The following GLIS1 variants were observed in gnomAD, a reference collection of about 807,000 sequenced individuals.
The protein encoded by GLIS1 is GLIS family zinc finger 1.
A neutral mutation model predicts 63.8 loss-of-function variants in GLIS1; 24 were observed. The ratio of observed to expected loss-of-function variants is 0.38; its 90% CI spans 0.27 to 0.53. The LOEUF (loss-of-function observed/expected upper bound fraction) is 0.53. Among genes scored for constraint, GLIS1 ranks in the 20% least tolerant of loss-of-function variants. The probability of loss-of-function intolerance (pLI) is 0.85; values close to 1 mark genes in which losing one functional copy is unlikely to be tolerated. For synonymous variants in GLIS1, 450 were observed against 482.5 expected (o/e 0.93, Z 0.88); for missense variants, 1,036 against 1,074.1 (o/e 0.96, Z 0.50).
chr1:53,543,019 C>A (rs12737836), intron 4 of GLIS1, among the ~76,000 whole-genome samples: 20 of 150,712 alleles, frequency 1.3e-4, no homozygotes, highest in South Asian at 4.1e-4. Flanking sequence ...TCAGTGTAAG[C>A]CCCCCAAAAC....
chr1:53,671,563 AG>A (rs1435462467), intron 2 of GLIS1, among the ~76,000 whole-genome samples: 1 of 152,250 alleles, frequency 6.6e-6, no homozygotes, highest in African/African-American at 2.4e-5. Flanking sequence ...AGAAGTTATA[AG>A]GGCACAGATT....
chr1:53,637,552 G>A (rs984713520), intron 2 of GLIS1, among the ~76,000 whole-genome samples: 1 of 152,178 alleles, frequency 6.6e-6, no homozygotes, highest in African/African-American at 2.4e-5. Context: ...ACTATAGCCT[G>A]AGGATGGCAA....
intron 2 of GLIS1, among the ~76,000 whole-genome samples, chr1:53,618,041 A>C (rs1000164143): frequency 1.3e-5 from 2 of 152,254 alleles, no homozygotes; most frequent in Non-Finnish European, 2.9e-5. Flanking sequence ...CAGGCAGTCC[A>C]GGCCCTGTGC....
At chr1:53,550,944 G>A (rs867633925) in intron 4 of GLIS1, among the ~76,000 whole-genome samples, 2 of 152,066 alleles carry the variant, frequency 1.3e-5, no homozygotes, top group Admixed American at 6.5e-5. Context: ...TCTGCCTCCC[G>A]GGTTCAAGTG....
chr1:53,513,785 C>T (rs1470437460), intron 8 of GLIS1, among the ~76,000 whole-genome samples: 1 of 152,190 alleles, frequency 6.6e-6, no homozygotes, highest in African/African-American at 2.4e-5. Context: ...GCAGGAGGAG[C>T]CCAGTAATAA....
At chr1:53,554,142 C>T (rs1271213069) in intron 4 of GLIS1, among the ~76,000 whole-genome samples, 1 of 152,210 alleles carries the variant, frequency 6.6e-6, no homozygotes, top group Non-Finnish European at 1.5e-5. Context: ...TTACTCCTGA[C>T]CACAGCCCCT....
intron 4 of GLIS1, among the ~76,000 whole-genome samples, chr1:53,586,588 A>C (rs919010631): frequency 6.6e-6 from 1 of 152,242 alleles, no homozygotes; most frequent in Non-Finnish European, 1.5e-5. Flanking sequence ...TCAAAGCCTC[A>C]CAACAGTCCT....
At chr1:53,614,165 G>C (rs1645454466) in intron 2 of GLIS1, among the ~76,000 whole-genome samples, 1 of 152,192 alleles carries the variant, frequency 6.6e-6, no homozygotes, top group Non-Finnish European at 1.5e-5. Flanking sequence ...AGAAAGGAAA[G>C]TCTCTACTCT....
In GLIS1 at chr1:53,680,388, G is replaced by A. The variant is rs1011776344; in HGVS notation, c.259+57418C>T. Among the ~76,000 whole-genome samples, 5 of 152,176 alleles carry A rather than the reference G, an allele frequency of 3.3e-5. 1 individual carries two copies. The East Asian group carries it at 9.6e-4, about 29-fold the overall frequency. On this transcript the variant is annotated intron_variant, in intron 2 of 10. Coordinates refer to ENST00000628545, the MANE Select transcript of GLIS1 (RefSeq NM_001367484.1). ...CTATGATCTATGCCACGAGTGTGGT[G>A]CCCACCACTCAGTGGCACCAGTACT...
chr1:53,510,746 A>C (rs1269649677), intron 8 of GLIS1, among the ~76,000 whole-genome samples: 1 of 152,216 alleles, frequency 6.6e-6, no homozygotes, highest in Non-Finnish European at 1.5e-5. Flanking sequence ...AAAAACTAGC[A>C]AGTCGGTCCC....
chr1:53,633,076 G>A (rs1464743768), intron 2 of GLIS1, among the ~76,000 whole-genome samples: 2 of 145,828 alleles, frequency 1.4e-5, no homozygotes, highest in Non-Finnish European at 3.0e-5. Context: ...GTGTGGCTGA[G>A]GGGCGTGTGA....
chr1:53,623,612 T>A (rs1645567435), intron 2 of GLIS1, among the ~76,000 whole-genome samples: 1 of 152,148 alleles, frequency 6.6e-6, no homozygotes, highest in East Asian at 1.9e-4. Context: ...TCAGATAACA[T>A]GATTGTTTAC....
intron 4 of GLIS1, among the ~76,000 whole-genome samples, chr1:53,532,374 T>C (rs544397915): frequency 2.0e-5 from 3 of 152,238 alleles, no homozygotes; most frequent in East Asian, 3.9e-4. Context: ...GAGACAATGA[T>C]GGTTCCGGGA....
intron 2 of GLIS1, among the ~76,000 whole-genome samples, chr1:53,654,019 C>T (rs1055874057): frequency 6.7e-6 from 1 of 150,218 alleles, no homozygotes; most frequent in African/African-American, 2.4e-5. Context: ...ATGGGGCAGA[C>T]ACAGGAGGCT....
intron 4 of GLIS1, among the ~76,000 whole-genome samples, chr1:53,531,443 C>T (rs1320774293): frequency 6.6e-6 from 1 of 152,154 alleles, no homozygotes; most frequent in Non-Finnish European, 1.5e-5. Context: ...TGGTTGGGTG[C>T]CTGGAGAGGA....
chr1:53,723,502 G>T (rs565529390), intron 2 of GLIS1, among the ~76,000 whole-genome samples: 1 of 152,162 alleles, frequency 6.6e-6, no homozygotes, highest in Admixed American at 6.5e-5. Flanking sequence ...CCAAAGTGCT[G>T]GGATTACAGG....
At chr1:53,693,658 G>T (rs1020821129) in intron 2 of GLIS1, among the ~76,000 whole-genome samples, 1 of 151,790 alleles carries the variant, frequency 6.6e-6, no homozygotes, top group African/African-American at 2.4e-5. Context: ...TCCCGGCCTC[G>T]GGGTCGCCAA....
In GLIS1 at chr1:53,667,512, G is replaced by A. The variant is rs560440565; in HGVS notation, c.260-67234C>T. 2.0e-4 allele frequency among the ~76,000 whole-genome samples: 31 copies of A among 152,310 alleles called. No individual in the cohort carries two copies. In the South Asian group the frequency reaches 6.4e-3, roughly 32 times the overall value. ...CTAGCCCGGCCCTTCCTTGGTCCTG[G>A]TCTGGCCCCAAGGTCCATTCCCAAC... On this transcript the variant is annotated intron_variant, in intron 2 of 10. Coordinates refer to ENST00000628545, the MANE Select transcript of GLIS1 (RefSeq NM_001367484.1).
chr1:53,507,757 G>A (rs1277609851), intron 10 of GLIS1, among the ~76,000 whole-genome samples: 6 of 152,210 alleles, frequency 3.9e-5, no homozygotes, highest in Middle Eastern at 3.2e-3. Context: ...TCCCCTGGCC[G>A]GTGTAGGGCC....
Sources: allele counts gnomAD v4.1 joint callset (sites outside exome capture counted in the v4.1 genomes callset), GRCh38; gene constraint gnomAD v4.1.1; transcripts MANE v1.5; gene names NCBI Gene and HGNC (gene_info 2026-07-23, HGNC 2026-07-21).